RBMS3: variants seen among roughly 807,000 people sequenced by gnomAD.
The protein encoded by RBMS3 is RNA-binding motif, single-stranded-interacting protein 3.
Under a neutral mutation model 66.8 loss-of-function variants are expected in RBMS3, and 27 were observed. That is an observed-to-expected ratio of 0.40 (90% CI 0.30 to 0.56). The LOEUF is 0.56. RBMS3 is among the 20% of genes least tolerant of loss of function. The pLI, the probability that RBMS3 is intolerant of heterozygous loss-of-function variation, is 0.40. For missense variants in RBMS3, 513 were observed against 549.5 expected (o/e 0.93, Z 0.66); for synonymous variants, 188 against 183.0 (o/e 1.03, Z -0.22).
intron 6 of RBMS3, among the ~76,000 whole-genome samples, chr3:29,859,577 T>C (rs2059161714): frequency 6.6e-6 from 1 of 152,250 alleles, no homozygotes; most frequent in Admixed American, 6.5e-5. Context: ...TGTATAGTTA[T>C]ATGGCAGACA....
At chr3:29,803,058 A>G (rs749835620) in intron 6 of RBMS3, among the ~76,000 whole-genome samples, 1 of 152,126 alleles carries the variant, frequency 6.6e-6, no homozygotes, top group Non-Finnish European at 1.5e-5. Context: ...ATGGGATCCT[A>G]TTTGATACTC....
intron 3 of RBMS3, among the ~76,000 whole-genome samples, chr3:29,520,226 G>C (rs923297122): frequency 6.6e-6 from 1 of 152,032 alleles, no homozygotes; most frequent in Non-Finnish European, 1.5e-5. Flanking sequence ...TACAAACCAA[G>C]TTTTAAAAAC....
chr3:29,980,443 T>A (rs1010982100), intron 12 of RBMS3, among the ~76,000 whole-genome samples: 1 of 152,118 alleles, frequency 6.6e-6, no homozygotes. Flanking sequence ...TTAATTAGAT[T>A]CCATTTGTCA....
At chr3:30,001,032 G>T (rs1020642274) in intron 14 of RBMS3, among the ~76,000 whole-genome samples, 2 of 135,974 alleles carry the variant, frequency 1.5e-5, no homozygotes, top group Admixed American at 1.5e-4. Context: ...AGAACTTAAA[G>T]TATAATAAAA....
intron 3 of RBMS3, among the ~76,000 whole-genome samples, chr3:29,505,436 A>T (rs2044144623): frequency 3.3e-5 from 5 of 151,098 alleles, no homozygotes; most frequent in Admixed American, 3.3e-4. Context: ...TTATGCCAGT[A>T]CCATACTCTG....
chr3:29,296,850 T>C (rs1415173527), intron 1 of RBMS3, among the ~76,000 whole-genome samples: 1 of 151,536 alleles, frequency 6.6e-6, no homozygotes, highest in Admixed American at 6.6e-5. Flanking sequence ...TCAGGGAGTT[T>C]TTCCTTCCCA....
At chr3:29,959,215 G>A (rs957437277) in intron 12 of RBMS3, among the ~76,000 whole-genome samples, 2 of 152,184 alleles carry the variant, frequency 1.3e-5, no homozygotes, top group South Asian at 2.1e-4. Flanking sequence ...GATATACTAT[G>A]AGAGTTAGAT....
At chr3:29,898,036 G>T (rs542688612) in intron 9 of RBMS3, among the ~76,000 whole-genome samples, 6 of 151,548 alleles carry the variant, frequency 4.0e-5, no homozygotes, top group Non-Finnish European at 7.4e-5. Context: ...CAGGGGTTCC[G>T]CATGTTGGAA....
chr3:29,374,575 G>T (rs947694265), intron 1 of RBMS3, among the ~76,000 whole-genome samples: 4 of 152,186 alleles, frequency 2.6e-5, no homozygotes, highest in African/African-American at 7.2e-5. Flanking sequence ...GATAGGCTTT[G>T]TGTTAGATGA....
intron 4 of RBMS3, among the ~76,000 whole-genome samples, chr3:29,588,117 A>G (rs1037779390): frequency 6.6e-6 from 1 of 152,110 alleles, no homozygotes; most frequent in African/African-American, 2.4e-5. Context: ...TTATAAATCT[A>G]TAAATATTTC....
rs2038917755 is a variant in RBMS3, at chr3:29,384,454, A to AAGT, written c.76-50287_76-50286insTAG. On this transcript the variant is annotated intron_variant, in intron 1 of 14. Transcript: ENST00000383767. ...TAATAATAAGAAGAAGAAGAAGAAG[A>AAGT]AGAAGAAGAAGAATCCAGAAAGACT... is the stretch of plus-strand genomic sequence containing the variant. 2.6e-5 allele frequency among the ~76,000 whole-genome samples: 4 copies of AAGT among 152,010 alleles called. No homozygotes were observed. In the South Asian group the frequency reaches 8.3e-4, roughly 32 times the overall value.
At chr3:29,365,610 A>G (rs1359397168) in intron 1 of RBMS3, among the ~76,000 whole-genome samples, 1 of 152,132 alleles carries the variant, frequency 6.6e-6, no homozygotes, top group Non-Finnish European at 1.5e-5. Flanking sequence ...CCTCCGGCCC[A>G]TACTCTAAGA....
At chr3:29,461,409 T>C (rs2042364436) in intron 2 of RBMS3, among the ~76,000 whole-genome samples, 1 of 152,204 alleles carries the variant, frequency 6.6e-6, no homozygotes, top group South Asian at 2.1e-4. Context: ...CCATAGTTCC[T>C]CTCTCCAGGA....
At chr3:29,789,650 GGA>G (rs1199111514) in intron 6 of RBMS3, among the ~76,000 whole-genome samples, 1 of 151,884 alleles carries the variant, frequency 6.6e-6, no homozygotes. Context: ...ACTATTTGAG[GGA>G]GTCATTCCCA....
intron 3 of RBMS3, among the ~76,000 whole-genome samples, chr3:29,542,907 G>A (rs2045818445): frequency 6.6e-6 from 1 of 152,082 alleles, no homozygotes; most frequent in African/African-American, 2.4e-5. Flanking sequence ...CCTTGGCAAA[G>A]GTAAAATTTA....
chr3:29,435,754 TCTGGCTAACACGGTGAAACCCCATC>T (rs565556941), intron 2 of RBMS3, among the ~76,000 whole-genome samples: 14 of 152,124 alleles, frequency 9.2e-5, no homozygotes, highest in South Asian at 8.3e-4. Flanking sequence ...ACTAACACGG[TCTGGCTAACACGGTGAAACCCCATC>T]CTGGCTAACA....
intron 1 of RBMS3, among the ~76,000 whole-genome samples, chr3:29,380,931 G>T (rs969085003): frequency 6.6e-5 from 10 of 152,146 alleles, no homozygotes; most frequent in Non-Finnish European, 1.3e-4. Context: ...GATAAGTGGT[G>T]CTTCACCTCA....
intron 3 of RBMS3, among the ~76,000 whole-genome samples, chr3:29,576,960 T>C (rs1404887700): frequency 6.6e-6 from 1 of 152,166 alleles, no homozygotes; most frequent in Non-Finnish European, 1.5e-5. Context: ...AAGAGCCTGC[T>C]TTTTGCTCTA....
rs1165883465 is a variant in RBMS3, at chr3:30,009,272, G to A, written c.*5410G>A. 1 of 151,838 alleles carries A rather than the reference G, an allele frequency of 6.6e-6. No individual in the cohort carries two copies. The highest frequency in any genetic ancestry group is 1.5e-5 in the Non-Finnish European group (1 of 67,930). The allele number at this position is 151,838 out of a possible 1,614,324, so 9.4% of individuals were successfully genotyped here. ...TTTGTTTTTTCTTTTCAGCGTGTAG[G>A]GCTTGGGCTCTGTTTCCTTTTATTA... On this transcript the variant is annotated 3_prime_UTR_variant, in exon 15 of 15. Coordinates refer to ENST00000383767, the MANE Select transcript of RBMS3 (RefSeq NM_001003793.3).
Sources: gnomAD v4.1 joint callset for allele counts (sites outside exome capture counted in the v4.1 genomes callset) on GRCh38, gnomAD v4.1.1 for gene constraint, MANE v1.5 for transcripts, NCBI Gene and HGNC (gene_info 2026-07-23, HGNC 2026-07-21) for gene names.